Variants in POLR3H observed in about 807,000 individuals in gnomAD.
The protein encoded by POLR3H is RNA polymerase III subunit H.
Under a neutral mutation model 25.5 loss-of-function variants are expected in POLR3H, and 17 were observed. That is an observed-to-expected ratio of 0.67 (90% CI 0.46 to 1.00). POLR3H has a LOEUF of 1.00. POLR3H is among the 50% of genes least tolerant of loss of function. POLR3H has a pLI of 0.00. For synonymous variants in POLR3H, 129 were observed against 103.0 expected (o/e 1.25, Z -1.53); for missense variants, 274 against 265.0 (o/e 1.03, Z -0.24).
rs141347362 is a variant in POLR3H, at chr22:41,530,786, G to C, written c.462C>G (p.Asp154Glu). Residue 154 changes from aspartate (D) to glutamate (E), a missense_variant, in exon 5 of 6, where the codon GAC becomes GAG. Physicochemically the swap from Asp to Glu is conservative, Grantham distance 45. Transcript: ENST00000355209. The stretch of plus-strand genomic sequence containing the variant: ...TGGGGGACGTGTCAACAAAGCTCTC[G>C]TCCACCACCCGGAAGCGGATCTCCT... ...TGEEIRFRVV[D>E]ESFVDTSPTG... 2 of 1,613,996 alleles carry C rather than the reference G, an allele frequency of 1.2e-6. No individual in the cohort carries two copies. Among genetic ancestry groups the C allele is most frequent in the African/African-American group, 2.7e-5 (2 of 74,924 alleles).
At position 41,544,228 on chromosome 22, in the gene POLR3H, G is replaced by C. The variant is rs2066981721; in HGVS notation, c.-127C>G. 1.6e-6 allele frequency: 1 copy of C among 615,976 alleles called. No individual in the cohort carries two copies. Among genetic ancestry groups the C allele is most frequent in the Non-Finnish European group, 2.9e-6 (1 of 345,212 alleles). The allele number at this position is 615,976 out of a possible 1,614,324, so 38.2% of individuals were successfully genotyped here. On this transcript the variant is annotated 5_prime_UTR_variant, in exon 1 of 6. Transcript: ENST00000355209. ...AGGCCCCCAGGCTGGCGGTGAGGTT[G>C]CACGGGGCGGTCTCGGGGGCCCGGT...
At chr22:41,543,776 T>C in intron 1 of POLR3H, 1 of 689,128 alleles carries the variant, frequency 1.5e-6, no homozygotes, top group Non-Finnish European at 2.7e-6. Flanking sequence ...TAATTTAGAA[T>C]TGTGGAATCT....
chr22:41,532,603 C>T, intron 3 of POLR3H, 56 bp downstream of exon 3: 2 of 1,613,340 alleles, frequency 1.2e-6, no homozygotes, highest in South Asian at 1.1e-5. Flanking sequence ...TGGACACAGA[C>T]CTCCTGCCCC....
Position 41,525,988 on chromosome 22 carries a change from G to A in POLR3H, c.*3295C>T. The stretch of plus-strand genomic sequence containing the variant: ...TGCAGCTGAGGCCTGAAGGGTGAGC[G>A]AACATTGACCTGTCCCAACTTTGGG... On this transcript the variant is annotated 3_prime_UTR_variant, in exon 6 of 6. Transcript: ENST00000355209. 1.0e-5 allele frequency: 4 copies of A among 382,852 alleles called. No homozygotes were observed. The highest frequency in any genetic ancestry group is 5.5e-5 in the South Asian group (1 of 18,194). The allele number at this position is 382,852 out of a possible 1,614,324, so 23.7% of individuals were successfully genotyped here.
chr22:41,530,767 A>G lies in POLR3H; in HGVS notation c.481T>C (p.Ser161Pro). ...TCTGCTGAGCTGGGCCCTGTGGGGG[A>G]CGTGTCAACAAAGCTCTCGTCCACC... is the stretch of plus-strand genomic sequence containing the variant. ...RVVDESFVDT[S>P]PTGPSSADAT... is the part of the protein sequence containing the mutation. Residue 161 changes from serine (S) to proline (P), a missense_variant, in exon 5 of 6, where the codon TCC (serine) becomes CCC (proline). Ser to Pro is a moderately conservative substitution (Grantham distance 74, BLOSUM62 -1). Transcript: ENST00000355209. 6.2e-7 allele frequency: 1 copy of G among 1,613,914 alleles called. No homozygotes were observed. The highest frequency in any genetic ancestry group is 8.5e-7 in the Non-Finnish European group (1 of 1,180,018).
At chr22:41,543,947 G>A (rs1252992382) in intron 1 of POLR3H, 44 bp downstream of exon 1, 2 of 1,443,592 alleles carry the variant, frequency 1.4e-6, no homozygotes, top group Middle Eastern at 1.7e-4. Flanking sequence ...GGCGGCGCTC[G>A]CTCTCCCACG....
At chr22:41,533,161 T>C (rs957680928) in intron 2 of POLR3H, among the ~76,000 whole-genome samples, 1 of 152,210 alleles carries the variant, frequency 6.6e-6, no homozygotes, top group Non-Finnish European at 1.5e-5. Flanking sequence ...AGGCTAAAAA[T>C]GCCCTGGTGT....
chr22:41,530,589 G>A, intron 5 of POLR3H, 98 bp downstream of exon 5: 1 of 1,152,090 alleles, frequency 8.7e-7, no homozygotes, highest in Admixed American at 2.4e-5. Flanking sequence ...TGACCTGCTG[G>A]GGGAGATCCC....
chr22:41,533,281 T>C (rs1346914460), intron 2 of POLR3H, among the ~76,000 whole-genome samples: 1 of 152,190 alleles, frequency 6.6e-6, no homozygotes, highest in Non-Finnish European at 1.5e-5. Flanking sequence ...GTGGGGTCTG[T>C]GCCCACATCG....
chr22:41,532,042 T>C (rs2066745731), intron 4 of POLR3H, 52 bp downstream of exon 4: 2 of 1,553,774 alleles, frequency 1.3e-6, no homozygotes, highest in Non-Finnish European at 8.9e-7. Flanking sequence ...GGACCTTCCT[T>C]TGGAGAGGCC....
chr22:41,527,598 G>A lies in POLR3H; in HGVS notation c.*1685C>T, dbSNP rs987724713. On this transcript the variant is annotated 3_prime_UTR_variant, in exon 6 of 6. Transcript: ENST00000355209. ...GTGCACATCCGACGCTCAGCTTCCC[G>A]GCTTCCCGCAGGCCCTGCTTCCAGG... The A allele has an allele frequency of 6.1e-5, 57 of 940,958 alleles. No homozygotes were observed. Among genetic ancestry groups the A allele is most frequent in the African/African-American group, 4.0e-4 (24 of 60,228 alleles). 58.3% of individuals were successfully genotyped at this position (940,958 alleles called of 1,614,324 possible). A position where few individuals can be genotyped will look rare whatever the true frequency, so the allele number is the denominator to read the frequency against.
Position 41,528,155 on chromosome 22 carries a change from GC to G in POLR3H, c.*1127del. 1 of 1,392,774 alleles carries G rather than the reference GC, an allele frequency of 7.2e-7. No homozygotes were observed. The highest frequency in any genetic ancestry group is 9.7e-7 in the Non-Finnish European group (1 of 1,029,086). 86.3% of individuals were successfully genotyped at this position (1,392,774 alleles called of 1,614,324 possible). A position where few individuals can be genotyped will look rare whatever the true frequency, so the allele number is the denominator to read the frequency against. ...GGAAAGGCCCCCAGTTCTCCAGGTG[GC>G]CCCACAGAGAAAGCAAAGTGGCTTC... On this transcript the variant is annotated 3_prime_UTR_variant, in exon 6 of 6. Transcript: ENST00000355209.
At position 41,527,226 on chromosome 22, in the gene POLR3H, G is replaced by A; in HGVS notation, c.*2057C>T. 1 of 1,612,836 alleles carries A rather than the reference G, an allele frequency of 6.2e-7. No homozygotes were observed. The highest frequency in any genetic ancestry group is 8.5e-7 in the Non-Finnish European group (1 of 1,179,504). ...AGGTGGGTGAGGCCAGGCAGGTAGGGCCAGACAGGTGAGGACGGTGCCCTC... is the reference window on the plus strand; with the variant it reads ...AGGTGGGTGAGGCCAGGCAGGTAGGACCAGACAGGTGAGGACGGTGCCCTC... On this transcript the variant is annotated 3_prime_UTR_variant, in exon 6 of 6. Transcript: ENST00000355209.
rs572242721 is a variant in POLR3H at position 41,527,093 on chromosome 22, G to A, written c.*2190C>T. On this transcript the variant is annotated 3_prime_UTR_variant, in exon 6 of 6. Transcript: ENST00000355209. Reference sequence around the variant, plus strand: ...AACAACCACGTGCCTCTGTCCCCTCGGGGCCTCGTTTGGGTCTCATTCACG... The same window carrying A: ...AACAACCACGTGCCTCTGTCCCCTCAGGGCCTCGTTTGGGTCTCATTCACG... 8.1e-5 allele frequency: 60 copies of A among 739,236 alleles called. No homozygotes were observed. The highest frequency in any genetic ancestry group is 1.2e-4 in the Non-Finnish European group (56 of 462,958). 45.8% of individuals were successfully genotyped at this position (739,236 alleles called of 1,614,324 possible).
At chr22:41,537,263 G>GGAGGAAGGCTCTATTACTGT (rs2066864338) in intron 2 of POLR3H, among the ~76,000 whole-genome samples, 1 of 152,026 alleles carries the variant, frequency 6.6e-6, no homozygotes, top group Non-Finnish European at 1.5e-5. Context: ...ATTTGATGAA[G>GGAGGAAGGCTCTATTACTGT]GAGGAAGGCT....
chr22:41,530,686 C>G lies in POLR3H; in HGVS notation c.561+1G>C. 1 of 1,611,960 alleles carries G rather than the reference C, an allele frequency of 6.2e-7. No individual in the cohort carries two copies. The highest frequency in any genetic ancestry group is 8.5e-7 in the Non-Finnish European group (1 of 1,179,658). ...GCTTCAGCACCATCAGAGCCACTCA[C>G]CACAAGCGTGTACGGAGCCTCCTTC... is the stretch of plus-strand genomic sequence containing the variant. On this transcript the variant is annotated splice_donor_variant, in intron 5 of 5. Coordinates refer to ENST00000355209, the MANE Select transcript of POLR3H (RefSeq NM_001018050.4). LOFTEE classifies it high-confidence loss of function.
intron 5 of POLR3H, among the ~76,000 whole-genome samples, chr22:41,530,039 G>A (rs1207419447): frequency 1.3e-5 from 2 of 152,070 alleles, no homozygotes; most frequent in Non-Finnish European, 2.9e-5. Context: ...ACAGGCGTGA[G>A]CCACTGTGCC....
rs78241684 is a variant in POLR3H at position 41,527,256 on chromosome 22, G to A, written c.*2027C>T. 8 of 1,613,900 alleles carry A rather than the reference G, an allele frequency of 5.0e-6. No individual in the cohort carries two copies. The Admixed American group carries it at 5.0e-5, about 10-fold the overall frequency. On this transcript the variant is annotated 3_prime_UTR_variant, in exon 6 of 6. Coordinates refer to ENST00000355209, the MANE Select transcript of POLR3H (RefSeq NM_001018050.4). ...ACAGGTGAGGACGGTGCCCTCCTCT[G>A]CCTTATAACCTTACCCCCGCTTGCC... is the stretch of plus-strand genomic sequence containing the variant.
intron 2 of POLR3H, among the ~76,000 whole-genome samples, chr22:41,533,334 T>G (rs1172345243): frequency 6.6e-6 from 1 of 152,154 alleles, no homozygotes. Context: ...TATGTCACCT[T>G]GTCACTCAGG....
Sources: gnomAD v4.1 joint callset for allele counts (sites outside exome capture counted in the v4.1 genomes callset) on GRCh38, gnomAD v4.1.1 for gene constraint, MANE v1.5 for transcripts, NCBI Gene and HGNC (gene_info 2026-07-23, HGNC 2026-07-21) for gene names.